Variants in SLCO1C1 observed in about 807,000 individuals in gnomAD.
SLCO1C1 encodes the protein solute carrier organic anion transporter family member 1C1.
Under a neutral mutation model 76.4 loss-of-function variants are expected in SLCO1C1, and 70 were observed. The ratio of observed to expected loss-of-function variants is 0.92; its 90% confidence interval spans 0.76 to 1.12. The LOEUF is 1.12. SLCO1C1 is among the 50% of genes most tolerant of loss of function. SLCO1C1 has a pLI of 0.00. For missense variants in SLCO1C1, 912 were observed against 823.8 expected, an observed-to-expected ratio of 1.11 and a Z score of -1.31; for synonymous variants, 306 against 286.1, an observed-to-expected ratio of 1.07 and a Z score of -0.70.
rs980824014 is a variant in SLCO1C1 at position 20,753,019 on chromosome 12, A to G, written c.*491A>G. 2 of 152,208 alleles carry G rather than the reference A, an allele frequency of 1.3e-5. No homozygotes were observed. Among genetic ancestry groups the G allele is most frequent in the Admixed American group, 6.5e-5 (1 of 15,282 alleles). The allele number at this position is 152,208 out of a possible 1,614,324, so 9.4% of individuals were successfully genotyped here. On this transcript the variant is annotated 3_prime_UTR_variant, in exon 15 of 15. Transcript: ENST00000266509. ...TAATGATCTTAGGATGGAGCAGAAC[A>G]TGGAGAGGAAGATTTCATTTTAAGC...
At position 20,702,127 on chromosome 12, in the gene SLCO1C1, G is replaced by A. The variant is rs369524156; in HGVS notation, c.271+668G>A. On this transcript the variant is annotated intron_variant, in intron 3 of 14. Coordinates refer to ENST00000266509, the MANE Select transcript of SLCO1C1 (RefSeq NM_017435.5). ...GCTTCCTGAATTGATAAACTAAAAG[G>A]CTTTAATTTTTTGCTGAAGTAAACG... 9.7e-4 allele frequency among the ~76,000 whole-genome samples: 147 copies of A among 151,920 alleles called. 2 individuals carry two copies. The South Asian group carries it at 0.029, about 30-fold the overall frequency.
intron 9 of SLCO1C1, among the ~76,000 whole-genome samples, chr12:20,732,287 T>A (rs1948314333): frequency 6.6e-6 from 1 of 152,218 alleles, no homozygotes; most frequent in Admixed American, 6.5e-5. Flanking sequence ...ACTTACTAAG[T>A]GTGGCTATGA....
intron 10 of SLCO1C1, among the ~76,000 whole-genome samples, chr12:20,734,759 G>T (rs987810818): frequency 1.3e-5 from 2 of 152,212 alleles, no homozygotes; most frequent in East Asian, 3.9e-4. Flanking sequence ...ACAAATAAAA[G>T]GTAACATTTT....
intron 9 of SLCO1C1, among the ~76,000 whole-genome samples, chr12:20,727,060 T>C (rs1041653497): frequency 2.6e-5 from 4 of 152,224 alleles, no homozygotes; most frequent in African/African-American, 9.6e-5. Context: ...TATGACTGCA[T>C]AGTATTCTGT....
chr12:20,711,583 A>G, intron 5 of SLCO1C1, 73 bp downstream of exon 5: 1 of 1,508,022 alleles, frequency 6.6e-7, no homozygotes, highest in East Asian at 2.3e-5. Context: ...AGGATGGACA[A>G]AAGTGTCTAT....
intron 7 of SLCO1C1, 47 bp from the exon 8 acceptor site, chr12:20,721,757 A>G (rs778047176): frequency 6.3e-7 from 1 of 1,588,048 alleles, no homozygotes; most frequent in South Asian, 1.1e-5. Context: ...ATTTTAACAT[A>G]TTAGCTTTGC....
In SLCO1C1 at chr12:20,715,218, C is replaced by A. The variant is rs752281700; in HGVS notation, c.609C>A (p.Pro203=). The A allele has an allele frequency of 1.2e-6, 2 of 1,613,968 alleles. No homozygotes were observed. The highest frequency in any genetic ancestry group is 1.7e-6 in the Non-Finnish European group (2 of 1,179,872). Residue 203 remains proline, a synonymous_variant, in exon 6 of 15, where the codon CCC becomes CCA. Transcript: ENST00000266509. ...TTCTTCGTGGAATAGGAGAAACTCC[C>A]ATTCAGCCTTTGGGCATTGCCTACC... is the stretch of plus-strand genomic sequence containing the variant. ...GNLLRGIGET[P]IQPLGIAYLD... is the part of the protein sequence containing the mutation.
rs199727951 is a variant in SLCO1C1, at chr12:20,711,501, A to G, written c.520A>G (p.Ile174Val). The G allele has an allele frequency of 1.2e-4, 195 of 1,613,520 alleles. No homozygotes were observed. Among genetic ancestry groups the G allele is most frequent in the Non-Finnish European group, 1.5e-4 (182 of 1,179,814 alleles). The change falls in exon 5 of 15, where the codon ATA (isoleucine) becomes GTA (valine). Residue 174 changes from isoleucine (I) to valine (V), a missense_variant. Coordinates refer to ENST00000266509, the MANE Select transcript of SLCO1C1 (RefSeq NM_017435.5). The stretch of plus-strand genomic sequence containing the variant: ...AGTTATGGAAAAATCAAAATCCAAA[A>G]TAAGTAACGGTAAGATCATTTTTTT... ...VSVMEKSKSK[I>V]SNECEVDTSS...
chr12:20,742,102 A>T (rs541451990), intron 12 of SLCO1C1, among the ~76,000 whole-genome samples: 1 of 152,308 alleles, frequency 6.6e-6, no homozygotes, highest in Admixed American at 6.5e-5. Flanking sequence ...CAACATGGAG[A>T]ATATGAGACA....
At chr12:20,740,786 T>TA (rs68150818) in intron 12 of SLCO1C1, among the ~76,000 whole-genome samples, 6,149 of 86,572 alleles carry the variant, frequency 0.071, 509 homozygotes, top group Non-Finnish European at 0.1. Flanking sequence ...ATTTATTTTA[T>TA]TTATATATAT....
At chr12:20,739,010 CATT>C (rs1347608327) in intron 11 of SLCO1C1, among the ~76,000 whole-genome samples, 20 of 152,134 alleles carry the variant, frequency 1.3e-4, no homozygotes, top group Admixed American at 1.3e-3. Context: ...AAAATGATAA[CATT>C]ATATATATGC....
intron 5 of SLCO1C1, 74 bp from the exon 6 acceptor site, chr12:20,715,065 G>C (rs556285573): frequency 6.4e-7 from 1 of 1,554,102 alleles, no homozygotes. Context: ...TAAGATATAC[G>C]GTAGAAATGC....
intron 6 of SLCO1C1, among the ~76,000 whole-genome samples, 162 bp downstream of exon 6, chr12:20,715,447 G>A (rs902930976): frequency 6.6e-6 from 1 of 152,178 alleles, no homozygotes; most frequent in Admixed American, 6.5e-5. Context: ...AGATTTGGAT[G>A]ATGAAGACAC....
intron 4 of SLCO1C1, 116 bp from the exon 5 acceptor site, chr12:20,711,270 G>A: frequency 8.3e-7 from 1 of 1,199,068 alleles, no homozygotes; most frequent in Non-Finnish European, 1.1e-6. Context: ...GGTGAATTAG[G>A]TTCAGAGACA....
Position 20,733,172 on chromosome 12 carries a change from G to T in SLCO1C1, c.1382+68G>T, listed in dbSNP as rs1334792663. 7 of 1,391,584 alleles carry T rather than the reference G, an allele frequency of 5.0e-6. No homozygotes were observed. The South Asian group carries it at 7.8e-5, about 15-fold the overall frequency. 86.2% of individuals were successfully genotyped at this position (1,391,584 alleles called of 1,614,324 possible). A position where few individuals can be genotyped will look rare whatever the true frequency, so the allele number is the denominator to read the frequency against. On this transcript the variant is annotated intron_variant, in intron 10 of 14. Transcript: ENST00000266509. ...AATTAAATCAATTATTGGTGGAGTT[G>T]CAAAAAAGGAATTTGATTTTTAAAC...
intron 3 of SLCO1C1, among the ~76,000 whole-genome samples, chr12:20,702,707 A>G (rs534747375): frequency 6.6e-6 from 1 of 151,984 alleles, no homozygotes; most frequent in Non-Finnish European, 1.5e-5. Context: ...TGAAGGGCCA[A>G]AGAGAATCAA....
chr12:20,707,862 C>T (rs929954582), intron 4 of SLCO1C1, among the ~76,000 whole-genome samples: 1 of 152,146 alleles, frequency 6.6e-6, no homozygotes, highest in Non-Finnish European at 1.5e-5. Flanking sequence ...GACAACCAGA[C>T]AGGCTAGTGT....
intron 11 of SLCO1C1, among the ~76,000 whole-genome samples, chr12:20,738,604 CTCTT>C (rs914939684): frequency 4.6e-5 from 7 of 152,116 alleles, no homozygotes; most frequent in Admixed American, 1.3e-4. Context: ...TTTCATGCTT[CTCTT>C]TTTTTCTTTT....
At chr12:20,718,088 G>A (rs1465986023) in intron 7 of SLCO1C1, among the ~76,000 whole-genome samples, 1 of 152,096 alleles carries the variant, frequency 6.6e-6, no homozygotes, top group African/African-American at 2.4e-5. Context: ...TATGCCAGGT[G>A]CTATTCTACA....
Sources: gnomAD v4.1 joint callset for allele counts (sites outside exome capture counted in the v4.1 genomes callset) on GRCh38, gnomAD v4.1.1 for gene constraint, MANE v1.5 for transcripts, NCBI Gene and HGNC (gene_info 2026-07-23, HGNC 2026-07-21) for gene names.